KCNH8: variants seen among roughly 807,000 people sequenced by gnomAD.
The protein encoded by KCNH8 is potassium voltage-gated channel subfamily H member 8.
KCNH8 carries 70 observed loss-of-function variants against 103.6 expected under a neutral mutation model. The observed-to-expected ratio is 0.68, with a 90% CI of 0.56 to 0.82. The LOEUF (loss-of-function observed/expected upper bound fraction) is 0.82, where lower values mean the gene tolerates loss of function less well. KCNH8 is among the 40% of genes least tolerant of loss of function. The pLI is 0.00. For synonymous variants in KCNH8, 498 were observed against 489.4 expected (o/e 1.02, Z -0.23); for missense variants, 1,217 against 1,329.9 (o/e 0.92, Z 1.32).
chr3:19,521,358 T>A (rs146438200), intron 15 of KCNH8, among the ~76,000 whole-genome samples: 1 of 151,990 alleles, frequency 6.6e-6, no homozygotes, highest in Non-Finnish European at 1.5e-5. Context: ...AAGCTTAGAT[T>A]TGTCCTCTAT....
chr3:19,500,351 C>A (rs1040703416), intron 11 of KCNH8, among the ~76,000 whole-genome samples: 4 of 152,036 alleles, frequency 2.6e-5, no homozygotes, highest in African/African-American at 9.7e-5. Context: ...ACTTTAACAC[C>A]CCACTGTCAA....
chr3:19,359,286 A>G (rs974676222), intron 5 of KCNH8, among the ~76,000 whole-genome samples: 1 of 151,942 alleles, frequency 6.6e-6, no homozygotes, highest in Admixed American at 6.6e-5. Flanking sequence ...AAGTAATATT[A>G]TATGTTAATA....
intron 11 of KCNH8, among the ~76,000 whole-genome samples, chr3:19,498,760 G>A (rs1428670252): frequency 6.6e-6 from 1 of 152,058 alleles, no homozygotes; most frequent in African/African-American, 2.4e-5. Flanking sequence ...GGGTTTTTTG[G>A]TGTGGATGTC....
At chr3:19,401,944 C>T (rs1194231934) in intron 7 of KCNH8, among the ~76,000 whole-genome samples, 1 of 151,896 alleles carries the variant, frequency 6.6e-6, no homozygotes, top group East Asian at 1.9e-4. Context: ...GGAGAAAATA[C>T]TTATACCTAG....
intron 5 of KCNH8, among the ~76,000 whole-genome samples, chr3:19,348,734 G>T (rs973155247): frequency 6.6e-6 from 1 of 152,112 alleles, no homozygotes; most frequent in East Asian, 1.9e-4. Flanking sequence ...CCTTGGTCAT[G>T]GTGATAGAGG....
At chr3:19,518,514 C>G (rs975360391) in intron 15 of KCNH8, among the ~76,000 whole-genome samples, 4 of 151,992 alleles carry the variant, frequency 2.6e-5, no homozygotes, top group African/African-American at 9.7e-5. Context: ...TTTCCTCTGA[C>G]TTGTATTTGC....
Position 19,486,331 on chromosome 3 carries a change from G to T in KCNH8, c.2041-24032G>T, listed in dbSNP as rs1191133495. ...GGGGATTTTCACAAAGCAAGCTTTG[G>T]TACTTGGTTAATTTAGCATTTGTTA... is the stretch of plus-strand genomic sequence containing the variant. On this transcript the variant is annotated intron_variant, in intron 11 of 15. Coordinates refer to ENST00000328405, the MANE Select transcript of KCNH8 (RefSeq NM_144633.3). 1.6e-4 allele frequency among the ~76,000 whole-genome samples: 25 copies of T among 152,222 alleles called. 1 individual carries two copies. The highest frequency in any genetic ancestry group is 1.6e-3 in the Admixed American group (25 of 15,282).
In KCNH8 at chr3:19,314,015, C is replaced by G. The variant is rs567197954; in HGVS notation, c.443-28572C>G. ...AATGTACTTGCAAACGTTCTCCCCCCACCCCTTTAAACTACCTACATATAA... is the reference window on the plus strand; with the variant it reads ...AATGTACTTGCAAACGTTCTCCCCCGACCCCTTTAAACTACCTACATATAA... On this transcript the variant is annotated intron_variant, in intron 3 of 15. Transcript: ENST00000328405. 2.0e-5 allele frequency among the ~76,000 whole-genome samples: 3 copies of G among 151,984 alleles called. No individual in the cohort carries two copies. In the South Asian group the frequency reaches 6.2e-4, roughly 32 times the overall value.
intron 7 of KCNH8, among the ~76,000 whole-genome samples, chr3:19,418,369 G>A (rs144921813): frequency 1.3e-5 from 2 of 152,280 alleles, no homozygotes; most frequent in Non-Finnish European, 2.9e-5. Context: ...TGAAAAAGGT[G>A]GAGAATGCAA....
intron 11 of KCNH8, among the ~76,000 whole-genome samples, chr3:19,483,522 C>T (rs2068134389): frequency 6.6e-6 from 1 of 152,102 alleles, no homozygotes; most frequent in Admixed American, 6.5e-5. Context: ...TACTAATTTT[C>T]ATGCTTCCTA....
intron 7 of KCNH8, among the ~76,000 whole-genome samples, chr3:19,397,216 G>T (rs993832249): frequency 6.6e-6 from 1 of 151,832 alleles, no homozygotes; most frequent in Non-Finnish European, 1.5e-5. Context: ...AATGTAATGA[G>T]TAGCAGGTTG....
chr3:19,351,336 C>A (rs1348627904), intron 5 of KCNH8, among the ~76,000 whole-genome samples: 1 of 152,082 alleles, frequency 6.6e-6, no homozygotes, highest in Admixed American at 6.5e-5. Flanking sequence ...GGAGAACTTT[C>A]CCAACCTAGC....
intron 14 of KCNH8, among the ~76,000 whole-genome samples, chr3:19,515,657 C>T (rs905478340): frequency 4.0e-5 from 6 of 151,836 alleles, no homozygotes; most frequent in East Asian, 1.9e-4. Context: ...CATTTAGCAG[C>T]GAAGGTAATT....
At chr3:19,455,847 A>G (rs1373559204) in intron 10 of KCNH8, among the ~76,000 whole-genome samples, 1 of 152,066 alleles carries the variant, frequency 6.6e-6, no homozygotes, top group East Asian at 1.9e-4. Flanking sequence ...GTTATTGCAG[A>G]CACTAGTTGC....
At chr3:19,353,271 C>T (rs1322221062) in intron 5 of KCNH8, among the ~76,000 whole-genome samples, 1 of 151,994 alleles carries the variant, frequency 6.6e-6, no homozygotes, top group Non-Finnish European at 1.5e-5. Context: ...AAGTCCAGGA[C>T]AGATGGATTC....
chr3:19,408,803 C>G (rs2066732670), intron 7 of KCNH8, among the ~76,000 whole-genome samples: 1 of 151,904 alleles, frequency 6.6e-6, no homozygotes, highest in Admixed American at 6.6e-5. Flanking sequence ...CTAACCCAGT[C>G]TGACAAAAAT....
chr3:19,352,702 C>T (rs2065820927), intron 5 of KCNH8, among the ~76,000 whole-genome samples: 1 of 152,142 alleles, frequency 6.6e-6, no homozygotes, highest in Non-Finnish European at 1.5e-5. Context: ...AAAGACACAA[C>T]ATACCAGAAT....
intron 1 of KCNH8, among the ~76,000 whole-genome samples, chr3:19,187,032 T>A (rs1228021803): frequency 1.3e-5 from 2 of 151,736 alleles, no homozygotes; most frequent in Non-Finnish European, 2.9e-5. Flanking sequence ...AATAAAACTT[T>A]ATTTATGGAC....
Position 19,533,801 on chromosome 3 carries a change from T to G in KCNH8, c.3026T>G (p.Leu1009Ter), listed in dbSNP as rs772615664. The G allele has an allele frequency of 6.2e-7, 1 of 1,614,194 alleles. No homozygotes were observed. Among genetic ancestry groups the G allele is most frequent in the Non-Finnish European group, 8.5e-7 (1 of 1,180,016 alleles). ...QVVQEGHLQFLRCISPHSDST... is the reference protein window; with the variant it reads ...QVVQEGHLQF ...GTCCAAGAAGGTCATTTGCAATTTT[T>G]AAGGTGCATCTCTCCACATTCAGAT... Residue 1009 changes from leucine (L) to a stop codon, truncating the protein, a stop_gained, in exon 16 of 16, where the codon TTA becomes TGA. Transcript: ENST00000328405. LOFTEE classifies it high-confidence loss of function.
Sources: allele counts gnomAD v4.1 joint callset (sites outside exome capture counted in the v4.1 genomes callset), GRCh38; gene constraint gnomAD v4.1.1; transcripts MANE v1.5; gene names NCBI Gene and HGNC (gene_info 2026-07-23, HGNC 2026-07-21).